ADCY1: variants seen among roughly 807,000 people sequenced by gnomAD.
The protein encoded by ADCY1 is adenylate cyclase 1, also known as adenylate cyclase type 1.
Under a neutral mutation model 105.4 loss-of-function variants are expected in ADCY1, and 28 were observed. That is an observed-to-expected ratio of 0.27 (90% CI 0.20 to 0.36). The LOEUF (loss-of-function observed/expected upper bound fraction) is 0.36, where lower values mean the gene tolerates loss of function less well. Ranked by LOEUF, ADCY1 falls within the 10% of genes least tolerant of loss-of-function variation. ADCY1 has a pLI of 1.00. For synonymous variants in ADCY1, 655 were observed against 623.8 expected, an observed-to-expected ratio of 1.05 and a Z score of -0.75; for missense variants, 977 against 1,434.2, an observed-to-expected ratio of 0.68 and a Z score of 5.15.
At chr7:45,655,857 T>C (rs1584307934) in intron 5 of ADCY1, among the ~76,000 whole-genome samples, 1 of 152,230 alleles carries the variant, frequency 6.6e-6, no homozygotes, top group Non-Finnish European at 1.5e-5. Context: ...ACAAAAACGT[T>C]ATTAGTATGT....
chr7:45,661,715 A>AACT (rs1795111460), intron 7 of ADCY1, among the ~76,000 whole-genome samples: 1 of 152,150 alleles, frequency 6.6e-6, no homozygotes, highest in African/African-American at 2.4e-5. Flanking sequence ...CTGGAAACTG[A>AACT]ACGGGGTAAC....
At chr7:45,688,903 C>A (rs1686517271) in intron 14 of ADCY1, among the ~76,000 whole-genome samples, 1 of 151,760 alleles carries the variant, frequency 6.6e-6, no homozygotes, top group Non-Finnish European at 1.5e-5. Context: ...CATTTCTCCT[C>A]AACCCCCAAA....
intron 4 of ADCY1, among the ~76,000 whole-genome samples, chr7:45,645,534 C>T (rs138699663): frequency 6.6e-6 from 1 of 152,258 alleles, no homozygotes; most frequent in African/African-American, 2.4e-5. Flanking sequence ...CCTGTTCACT[C>T]ATGCACACTC....
chr7:45,695,697 C>T (rs1012103876), intron 14 of ADCY1, among the ~76,000 whole-genome samples: 1 of 152,228 alleles, frequency 6.6e-6, no homozygotes, highest in African/African-American at 2.4e-5. Flanking sequence ...CCAAAGACCC[C>T]AGAAGTTGCT....
At chr7:45,712,658 C>A (rs189656716) in intron 19 of ADCY1, among the ~76,000 whole-genome samples, 56 of 152,184 alleles carry the variant, frequency 3.7e-4, no homozygotes, top group African/African-American at 1.2e-3. Context: ...GGATTTGGTT[C>A]TTTTAACAAA....
chr7:45,591,606 A>C lies in ADCY1; in HGVS notation c.640-1153A>C, dbSNP rs1459320289. ...TAGAAATTCTCCAATTTTGCGAGTG[A>C]CCAAGGGACACCCGTTTCATACAAT... On this transcript the variant is annotated intron_variant, in intron 1 of 19. Transcript: ENST00000297323. This position sits in a 1 kb window ranked among gnomAD's most constrained non-coding sequence, Gnocchi z 4.1. Among the ~76,000 whole-genome samples the C allele has an allele frequency of 6.6e-6, 1 of 152,210 alleles. No homozygotes were observed. The highest frequency in any genetic ancestry group is 1.5e-5 in the Non-Finnish European group (1 of 68,034).
intron 4 of ADCY1, among the ~76,000 whole-genome samples, chr7:45,646,743 G>C (rs575210660): frequency 1.3e-5 from 2 of 152,328 alleles, no homozygotes; most frequent in African/African-American, 4.8e-5. Flanking sequence ...CAGGTGGGAA[G>C]GCCCCCTTCT....
intron 4 of ADCY1, among the ~76,000 whole-genome samples, chr7:45,631,454 C>G (rs1794257510): frequency 6.6e-6 from 1 of 152,350 alleles, no homozygotes; most frequent in East Asian, 1.9e-4. Flanking sequence ...CAATCTGTGA[C>G]TTAGTCTGCC....
At chr7:45,642,735 C>T (rs1237410567) in intron 4 of ADCY1, among the ~76,000 whole-genome samples, 3 of 152,150 alleles carry the variant, frequency 2.0e-5, no homozygotes, top group Non-Finnish European at 4.4e-5. Flanking sequence ...ATCAGTGAGA[C>T]CCGTCCATCA....
At position 45,662,099 on chromosome 7, in the gene ADCY1, A is replaced by G; in HGVS notation, c.1490A>G (p.Lys497Arg). 2.5e-6 allele frequency: 4 copies of G among 1,614,182 alleles called. No individual in the cohort carries two copies. Among genetic ancestry groups the G allele is most frequent in the Middle Eastern group, 3.3e-4 (2 of 6,062 alleles). ...GLILSDIKPA[K>R]RMKFKTVCYL... ...ATTCTCTCAGATATAAAACCGGCCA[A>G]AAGGATGAAGTTCAAGACTGTCTGC... The change falls in exon 8 of 20, where the codon AAA becomes AGA. Residue 497 changes from lysine (K) to arginine (R), a missense_variant. Coordinates refer to ENST00000297323, the MANE Select transcript of ADCY1 (RefSeq NM_021116.4).
chr7:45,597,277 C>G (rs1323412247), intron 2 of ADCY1, among the ~76,000 whole-genome samples: 1 of 152,234 alleles, frequency 6.6e-6, no homozygotes, highest in Non-Finnish European at 1.5e-5. Flanking sequence ...TTCGAGCCTC[C>G]TGGCAGTGCC....
chr7:45,687,319 T>C (rs1461617754), intron 14 of ADCY1, among the ~76,000 whole-genome samples: 1 of 152,178 alleles, frequency 6.6e-6, no homozygotes, highest in Non-Finnish European at 1.5e-5. Flanking sequence ...ATCCTGGCAA[T>C]GACTGCCAGA....
At chr7:45,580,172 G>C (rs576866878) in intron 1 of ADCY1, among the ~76,000 whole-genome samples, 1 of 152,292 alleles carries the variant, frequency 6.6e-6, no homozygotes, top group South Asian at 2.1e-4. Flanking sequence ...ATCGGGCCAG[G>C]GGCTCCCACT....
At chr7:45,577,902 G>C (rs951012400) in intron 1 of ADCY1, among the ~76,000 whole-genome samples, 1 of 152,216 alleles carries the variant, frequency 6.6e-6, no homozygotes, top group Non-Finnish European at 1.5e-5. Flanking sequence ...CCCTAAGGAG[G>C]CCTGGAAAAA....
At chr7:45,644,470 A>C (rs560366400) in intron 4 of ADCY1, among the ~76,000 whole-genome samples, 4 of 152,314 alleles carry the variant, frequency 2.6e-5, no homozygotes, top group African/African-American at 9.6e-5. Flanking sequence ...AGCTGGCCGC[A>C]GCTCTTTAGG....
rs769828124 is a variant in ADCY1 at position 45,708,398 on chromosome 7, A to G, written c.2866A>G (p.Ile956Val). 6 of 1,614,114 alleles carry G rather than the reference A, an allele frequency of 3.7e-6. No homozygotes were observed. In the South Asian group the frequency reaches 6.6e-5, roughly 18 times the overall value. Residue 956 changes from isoleucine to valine, a missense_variant, in exon 18 of 20, where the codon ATT becomes GTT. Physicochemically the swap from Ile to Val is conservative, Grantham distance 29 (BLOSUM62 3). Coordinates refer to ENST00000297323, the MANE Select transcript of ADCY1 (RefSeq NM_021116.4). This position sits in a 1 kb window ranked among gnomAD's most constrained non-coding sequence, Gnocchi z 4.7. ...CCTGAGCACGCTGGCGGACTTTGCC[A>G]TTGAGATGTTTGACGTTCTGGATGA... ...SHLSTLADFA[I>V]EMFDVLDEIN...
chr7:45,659,004 G>A (rs1166889203), intron 6 of ADCY1, among the ~76,000 whole-genome samples: 4 of 152,178 alleles, frequency 2.6e-5, no homozygotes, highest in African/African-American at 4.8e-5. Flanking sequence ...CTGTAGATGG[G>A]GCAGCACAGG....
At chr7:45,619,881 G>T (rs960265220) in intron 3 of ADCY1, among the ~76,000 whole-genome samples, 6 of 152,180 alleles carry the variant, frequency 3.9e-5, no homozygotes, top group Non-Finnish European at 5.9e-5. Context: ...TAGCTATGCA[G>T]AAGTAATGGC....
At position 45,574,925 on chromosome 7, in the gene ADCY1, C is replaced by T; in HGVS notation, c.382C>T (p.Leu128Phe). Residue 128 changes from leucine to phenylalanine, a missense_variant, in exon 1 of 20, where the codon CTC becomes TTC. Around this residue, in one of 7 missense-constraint regions of ADCY1, gnomAD observed 209 missense variants for 222.5 expected, o/e 0.94. Transcript: ENST00000297323. This position sits in a 1 kb window ranked among gnomAD's most constrained non-coding sequence, Gnocchi z 7.0. ...GCAGCAGGTCGGCCAGCTGGCGCTG[C>T]TCTTCAGCCTCACCTTCGCGCTGCT... ...QLQQVGQLALLFSLTFALLCC... is the reference protein window; with the variant it reads ...QLQQVGQLALFFSLTFALLCC... 6.2e-7 allele frequency: 1 copy of T among 1,611,968 alleles called. No homozygotes were observed. Among genetic ancestry groups the T allele is most frequent in the Non-Finnish European group, 8.5e-7 (1 of 1,179,756 alleles).
Sources: gnomAD v4.1 joint callset for allele counts (sites outside exome capture counted in the v4.1 genomes callset) on GRCh38, gnomAD v4.1.1 for gene constraint, gnomAD v4.1.1 regional missense constraint, Gnocchi (gnomAD v3.1) non-coding constraint, MANE v1.5 for transcripts, NCBI Gene and HGNC (gene_info 2026-07-23, HGNC 2026-07-21) for gene names.